Variants in GRIP1 observed in about 807,000 individuals in gnomAD.
GRIP1 encodes the protein glutamate receptor-interacting protein 1.
In GRIP1, 45 loss-of-function variants were observed where a neutral mutation model predicts 129.9. The observed-to-expected ratio is 0.35, with a 90% CI of 0.27 to 0.44. GRIP1 has a LOEUF of 0.44. Ranked by LOEUF, GRIP1 falls within the 20% of genes least tolerant of loss-of-function variation. GRIP1 has a pLI of 1.00. For synonymous variants in GRIP1, 530 were observed against 520.8 expected, an observed-to-expected ratio of 1.02 and a Z score of -0.24; for missense variants, 1,196 against 1,396.8, an observed-to-expected ratio of 0.86 and a Z score of 2.29.
chr12:66,373,771 T>C (rs1333739095), intron 22 of GRIP1, among the ~76,000 whole-genome samples: 1 of 152,242 alleles, frequency 6.6e-6, no homozygotes, highest in East Asian at 1.9e-4. Context: ...AACATTAACA[T>C]GTGCTAAGTC....
intron 1 of GRIP1, among the ~76,000 whole-genome samples, chr12:67,018,004 A>T (rs1257083809): frequency 6.6e-6 from 1 of 152,222 alleles, no homozygotes; most frequent in Non-Finnish European, 1.5e-5. Flanking sequence ...TTACACCACA[A>T]CAGATACCTG....
intron 1 of GRIP1, among the ~76,000 whole-genome samples, chr12:66,788,124 T>C (rs1360436282): frequency 1.3e-5 from 2 of 152,092 alleles, no homozygotes; most frequent in Non-Finnish European, 1.5e-5. Flanking sequence ...TTCAAGACTA[T>C]TTAGAAAGCA....
chr12:67,017,891 G>A (rs1201882088), intron 1 of GRIP1, among the ~76,000 whole-genome samples: 2 of 152,174 alleles, frequency 1.3e-5, no homozygotes, highest in African/African-American at 2.4e-5. Context: ...GAACATCCCG[G>A]ATACCACATA....
intron 23 of GRIP1, among the ~76,000 whole-genome samples, chr12:66,354,226 C>A (rs571649449): frequency 5.2e-4 from 79 of 152,262 alleles, no homozygotes; most frequent in Admixed American, 1.2e-3. Flanking sequence ...CTGCCCCCCA[C>A]CCCGGGTCTC....
At chr12:66,743,451 C>G (rs2036851131) in intron 1 of GRIP1, among the ~76,000 whole-genome samples, 1 of 151,918 alleles carries the variant, frequency 6.6e-6, no homozygotes, top group African/African-American at 2.4e-5. Flanking sequence ...TTTCAGAAGC[C>G]AAGGTATGAC....
At position 66,440,743 on chromosome 12, in the gene GRIP1, C is replaced by T. The variant is rs11176180; in HGVS notation, c.1687+3841G>A. On this transcript the variant is annotated intron_variant, in intron 13 of 24. Coordinates refer to ENST00000359742, the MANE Select transcript of GRIP1 (RefSeq NM_001366722.1). ...CTCTCCAATCTTAACAAAACAAAGC[C>T]GCAAAACAAAATAACACCCCTCTGA... Among the ~76,000 whole-genome samples, 8 of 152,228 alleles carry T rather than the reference C, an allele frequency of 5.3e-5. No homozygotes were observed. In the East Asian group the frequency reaches 1.5e-3, roughly 29 times the overall value.
intron 5 of GRIP1, among the ~76,000 whole-genome samples, chr12:66,523,448 G>T (rs2061098092): frequency 6.7e-6 from 1 of 150,322 alleles, no homozygotes; most frequent in Admixed American, 6.6e-5. Context: ...AAGTGAAGGA[G>T]AAATAAAATA....
chr12:66,562,246 A>T (rs2062560306), intron 2 of GRIP1, among the ~76,000 whole-genome samples: 1 of 152,224 alleles, frequency 6.6e-6, no homozygotes, highest in Non-Finnish European at 1.5e-5. Flanking sequence ...GAAATAAATC[A>T]GTCAAGGTGC....
intron 1 of GRIP1, among the ~76,000 whole-genome samples, chr12:66,879,889 C>T (rs2040445850): frequency 6.6e-6 from 1 of 151,922 alleles, no homozygotes; most frequent in African/African-American, 2.4e-5. Flanking sequence ...GTATGGGAGC[C>T]TATGGCCGGC....
At chr12:66,550,209 T>C (rs182971991) in intron 2 of GRIP1, among the ~76,000 whole-genome samples, 22 of 152,306 alleles carry the variant, frequency 1.4e-4, no homozygotes, top group Admixed American at 1.4e-3. Flanking sequence ...TCACGGGTCT[T>C]AGTTTCCTCA....
intron 2 of GRIP1, among the ~76,000 whole-genome samples, chr12:66,554,409 C>T (rs574116582): frequency 1.3e-5 from 2 of 152,226 alleles, no homozygotes; most frequent in Admixed American, 1.3e-4. Flanking sequence ...GTAGTACATG[C>T]CATGGGCCTT....
At position 66,353,476 on chromosome 12, in the gene GRIP1, T is replaced by C. The variant is rs2137084117; in HGVS notation, c.3100A>G (p.Ile1034Val). Residue 1034 changes from isoleucine (I) to valine (V), a missense_variant, in exon 24 of 25, where the codon ATT becomes GTT. Physicochemically the swap from Ile to Val is conservative, Grantham distance 29. Around this residue, in one of 5 missense-constraint regions of GRIP1, gnomAD observed 427 missense variants for 463.3 expected, o/e 0.92. Transcript: ENST00000359742. The stretch of plus-strand genomic sequence containing the variant: ...AGATCTCCTGGCCCAGCTGGGCGAA[T>C]ATTTTTGACATACACTCCTTTCTCC... The part of the protein sequence containing the change: ...LLEKGVYVKN[I>V]RPAGPGDLGG... 1 of 1,613,018 alleles carries C rather than the reference T, an allele frequency of 6.2e-7. No individual in the cohort carries two copies. Among genetic ancestry groups the C allele is most frequent in the East Asian group, 2.2e-5 (1 of 44,852 alleles).
chr12:66,715,995 C>CA (rs2035875918), intron 1 of GRIP1, among the ~76,000 whole-genome samples: 1 of 151,858 alleles, frequency 6.6e-6, no homozygotes, highest in Non-Finnish European at 1.5e-5. Context: ...TATTTATACC[C>CA]ATTTCTGCTA....
intron 1 of GRIP1, among the ~76,000 whole-genome samples, chr12:66,943,885 G>A (rs2041626294): frequency 6.6e-6 from 1 of 152,166 alleles, no homozygotes; most frequent in South Asian, 2.1e-4. Context: ...GAAGCAGGCA[G>A]CAGAGTCCTA....
chr12:66,579,074 C>T (rs1484385290), intron 2 of GRIP1, among the ~76,000 whole-genome samples: 37 of 152,242 alleles, frequency 2.4e-4, no homozygotes, highest in East Asian at 7.7e-4. Flanking sequence ...TCCAGAGGAA[C>T]GATCAGACAG....
chr12:66,858,515 C>A (rs1438482777), intron 1 of GRIP1, among the ~76,000 whole-genome samples: 3 of 151,896 alleles, frequency 2.0e-5, no homozygotes, highest in African/African-American at 7.2e-5. Flanking sequence ...AAAACTCTCC[C>A]CCAGATGGAA....
chr12:66,792,700 C>T (rs897699920), intron 1 of GRIP1, among the ~76,000 whole-genome samples: 1 of 152,038 alleles, frequency 6.6e-6, no homozygotes, highest in Admixed American at 6.6e-5. Context: ...TTGAGGAACA[C>T]TCAACTTTAC....
At chr12:66,684,395 T>C (rs1021585963) in intron 1 of GRIP1, among the ~76,000 whole-genome samples, 2 of 152,148 alleles carry the variant, frequency 1.3e-5, no homozygotes, top group African/African-American at 4.8e-5. Flanking sequence ...GCCTCTTCTT[T>C]CTCTACCCTT....
chr12:66,554,907 C>T (rs2062271137), intron 2 of GRIP1, among the ~76,000 whole-genome samples: 1 of 152,114 alleles, frequency 6.6e-6, no homozygotes, highest in Non-Finnish European at 1.5e-5. Context: ...TTCTAAGGTT[C>T]CTGACTCCAG....
Sources: allele counts gnomAD v4.1 joint callset (sites outside exome capture counted in the v4.1 genomes callset), GRCh38; gene constraint gnomAD v4.1.1; regional missense constraint gnomAD v4.1.1; transcripts MANE v1.5; gene names NCBI Gene and HGNC (gene_info 2026-07-23, HGNC 2026-07-21).